TMEM243: variants seen among roughly 807,000 people sequenced by gnomAD.
TMEM243 encodes the protein transmembrane protein 243, also known as MDR1 and mitochondrial taxol resistance associated.
A neutral mutation model predicts 15.0 loss-of-function variants in TMEM243; 20 were observed. The ratio of observed to expected loss-of-function variants is 1.33; its 90% confidence interval spans 0.94 to 1.93. TMEM243 has a LOEUF of 1.93. TMEM243 is among the 30% of genes most tolerant of loss of function. The probability of loss-of-function intolerance (pLI) is 0.00; values close to 1 mark genes in which losing one functional copy is unlikely to be tolerated. For synonymous variants in TMEM243, 72 were observed against 52.7 expected (o/e 1.37, Z -1.59); for missense variants, 156 against 142.1 (o/e 1.10, Z -0.50).
At chr7:87,203,833 CA>C in intron 1 of TMEM243, among the ~76,000 whole-genome samples, 1 of 152,178 alleles carries the variant, frequency 6.6e-6, no homozygotes, top group Middle Eastern at 3.4e-3. Context: ...AATTCATACA[CA>C]ATCATTTCTT....
At chr7:87,204,382 A>G (rs957755381) in intron 1 of TMEM243, among the ~76,000 whole-genome samples, 2 of 152,202 alleles carry the variant, frequency 1.3e-5, no homozygotes, top group Admixed American at 1.3e-4. Flanking sequence ...ACAGTCCCCC[A>G]AAGTCTTAAC....
chr7:87,197,830 G>A (rs1801449061), intron 3 of TMEM243, 111 bp downstream of exon 3: 2 of 1,565,088 alleles, frequency 1.3e-6, no homozygotes, highest in Non-Finnish European at 1.7e-6. Flanking sequence ...GGGAGGATGA[G>A]GATATAATTA....
intron 1 of TMEM243, among the ~76,000 whole-genome samples, chr7:87,207,772 C>T (rs917093139): frequency 2.0e-5 from 3 of 152,136 alleles, no homozygotes; most frequent in Admixed American, 6.5e-5. Context: ...CAGACAGCAT[C>T]GCAGGGAGTC....
At chr7:87,209,475 A>T (rs1388796005) in intron 1 of TMEM243, among the ~76,000 whole-genome samples, 1 of 148,972 alleles carries the variant, frequency 6.7e-6, no homozygotes, top group Non-Finnish European at 1.5e-5. Context: ...TGAGACAGAG[A>T]GTGAGATAGT....
chr7:87,218,880 G>C (rs957973665), intron 1 of TMEM243, among the ~76,000 whole-genome samples: 2 of 152,090 alleles, frequency 1.3e-5, no homozygotes, highest in Non-Finnish European at 2.9e-5. Context: ...CTAGAATAAC[G>C]TATGGTAGCC....
chr7:87,212,763 C>T (rs1802843359), intron 1 of TMEM243, among the ~76,000 whole-genome samples: 1 of 152,140 alleles, frequency 6.6e-6, no homozygotes, highest in Non-Finnish European at 1.5e-5. Flanking sequence ...ACGCTAAATT[C>T]TCACTTTGCT....
chr7:87,202,277 G>T (rs908054652), intron 1 of TMEM243, among the ~76,000 whole-genome samples: 9 of 152,162 alleles, frequency 5.9e-5, no homozygotes, highest in Non-Finnish European at 1.2e-4. Flanking sequence ...TCAAAACCCT[G>T]AGGAAGACTA....
intron 2 of TMEM243, 197 bp from the exon 3 acceptor site, chr7:87,198,242 C>A: frequency 2.1e-6 from 1 of 477,532 alleles, no homozygotes; most frequent in Non-Finnish European, 3.7e-6. Context: ...CTAAACTTTC[C>A]CTTACTTATG....
chr7:87,210,342 C>T (rs1252671236), intron 1 of TMEM243, among the ~76,000 whole-genome samples: 1 of 152,194 alleles, frequency 6.6e-6, no homozygotes, highest in Admixed American at 6.5e-5. Context: ...CAAAACCAAT[C>T]ATGCCTTCCC....
At chr7:87,202,413 G>A (rs555417368) in intron 1 of TMEM243, among the ~76,000 whole-genome samples, 9 of 152,348 alleles carry the variant, frequency 5.9e-5, no homozygotes, top group African/African-American at 2.2e-4. Flanking sequence ...AGTTTCATGA[G>A]AGCTGAGAGG....
At chr7:87,197,317 A>G (rs961784252) in intron 3 of TMEM243, among the ~76,000 whole-genome samples, 3 of 150,758 alleles carry the variant, frequency 2.0e-5, no homozygotes, top group African/African-American at 7.3e-5. Context: ...TAAGCAAATT[A>G]CTATTGTTTT....
intron 1 of TMEM243, among the ~76,000 whole-genome samples, chr7:87,208,987 T>C (rs2129230683): frequency 6.6e-6 from 1 of 152,366 alleles, no homozygotes; most frequent in South Asian, 2.1e-4. Context: ...TAACTGGGCT[T>C]ACTACAAACT....
chr7:87,206,692 A>C (rs1343368347), intron 1 of TMEM243, among the ~76,000 whole-genome samples: 4 of 152,238 alleles, frequency 2.6e-5, no homozygotes, highest in Non-Finnish European at 5.9e-5. Context: ...TTATTTCTGA[A>C]GTTTTCCATT....
At chr7:87,216,437 C>T (rs1437402752) in intron 1 of TMEM243, among the ~76,000 whole-genome samples, 1 of 152,160 alleles carries the variant, frequency 6.6e-6, no homozygotes, top group African/African-American at 2.4e-5. Flanking sequence ...CAAAGTGAGA[C>T]ACTGCCTCAA....
chr7:87,215,873 T>C (rs1274354574), intron 1 of TMEM243, among the ~76,000 whole-genome samples: 1 of 152,126 alleles, frequency 6.6e-6, no homozygotes, highest in Non-Finnish European at 1.5e-5. Flanking sequence ...GCACGATGGC[T>C]CAAGCTTATA....
In TMEM243 at chr7:87,216,413, T is replaced by C. The variant is rs2373362; in HGVS notation, c.78+3013A>G. ...GTGAACCGTGGTCAGGCCACTGCAC[T>C]CCGATATGAGTTACAAAGTGAGACA... On this transcript the variant is annotated intron_variant, in intron 1 of 3. Coordinates refer to ENST00000257637, the MANE Select transcript of TMEM243 (RefSeq NM_024315.4). Among the ~76,000 whole-genome samples, 790 of 152,158 alleles carry C rather than the reference T, an allele frequency of 5.2e-3. 4 individuals carry two copies. Among genetic ancestry groups the C allele is most frequent in the African/African-American group, 0.018 (766 of 41,496 alleles).
At chr7:87,198,334 T>C in intron 2 of TMEM243, 1 of 314,326 alleles carries the variant, frequency 3.2e-6, no homozygotes, top group Non-Finnish European at 5.8e-6. Flanking sequence ...TTAATGATTC[T>C]GCTGGTAAAA....
At chr7:87,216,474 T>G (rs1803132113) in intron 1 of TMEM243, among the ~76,000 whole-genome samples, 1 of 152,146 alleles carries the variant, frequency 6.6e-6, no homozygotes, top group African/African-American at 2.4e-5. Context: ...TAGATATTTA[T>G]GGAACAATAG....
At chr7:87,207,786 T>C (rs922051754) in intron 1 of TMEM243, among the ~76,000 whole-genome samples, 19 of 152,276 alleles carry the variant, frequency 1.2e-4, no homozygotes, top group African/African-American at 4.1e-4. Context: ...GGGAGTCCTA[T>C]AGACCCACAT....
Sources: gnomAD v4.1 joint callset for allele counts (sites outside exome capture counted in the v4.1 genomes callset) on GRCh38, gnomAD v4.1.1 for gene constraint, MANE v1.5 for transcripts, NCBI Gene and HGNC (gene_info 2026-07-23, HGNC 2026-07-21) for gene names.